The following OSBPL10 variants were observed in gnomAD, a reference collection of about 807,000 sequenced individuals.
OSBPL10 encodes the protein oxysterol-binding protein-related protein 10.
OSBPL10 carries 49 observed loss-of-function variants against 81.7 expected under a neutral mutation model. The observed-to-expected ratio is 0.60, with a 90% CI of 0.48 to 0.76. The LOEUF (loss-of-function observed/expected upper bound fraction) is 0.76. OSBPL10 is among the 30% of genes least tolerant of loss of function. The probability of loss-of-function intolerance (pLI) is 0.00; values close to 1 mark genes in which losing one functional copy is unlikely to be tolerated. For missense variants in OSBPL10, 923 were observed against 987.8 expected (o/e 0.93, Z 0.88); for synonymous variants, 419 against 383.6 (o/e 1.09, Z -1.08).
chr3:31,989,639 C>T, intron 2 of OSBPL10: 1 of 1,614,172 alleles, frequency 6.2e-7, no homozygotes, highest in Non-Finnish European at 8.5e-7. Flanking sequence ...AACGATGCTT[C>T]CTCAGTTCTA....
intron 4 of OSBPL10, among the ~76,000 whole-genome samples, chr3:31,803,236 C>T (rs1303175731): frequency 6.6e-6 from 1 of 152,144 alleles, no homozygotes; most frequent in African/African-American, 2.4e-5. Flanking sequence ...CTAGTTACAG[C>T]CCCCCTTCTC....
intron 2 of OSBPL10, among the ~76,000 whole-genome samples, chr3:32,045,677 A>T (rs1275426304): frequency 1.3e-5 from 2 of 152,198 alleles, no homozygotes; most frequent in Non-Finnish European, 2.9e-5. Context: ...TCTGCCTAGA[A>T]GTAAGCTGTG....
chr3:31,748,893 A>G (rs1697624792), intron 4 of OSBPL10, among the ~76,000 whole-genome samples: 1 of 152,218 alleles, frequency 6.6e-6, no homozygotes, highest in Admixed American at 6.5e-5. Flanking sequence ...AAGGACTTTA[A>G]TGGTTATCTT....
intron 3 of OSBPL10, among the ~76,000 whole-genome samples, chr3:31,857,828 G>GGA: frequency 7.6e-6 from 1 of 131,824 alleles, no homozygotes; most frequent in East Asian, 2.2e-4. Flanking sequence ...GGGAGAGGGA[G>GGA]AGGGAGAGGG....
At chr3:31,668,516 G>T in intron 10 of OSBPL10, 126 bp downstream of exon 10, 1 of 834,034 alleles carries the variant, frequency 1.2e-6, no homozygotes, top group Non-Finnish European at 1.8e-6. Flanking sequence ...ATCTAAAGAA[G>T]CCAGTAGAAC....
intron 1 of OSBPL10, among the ~76,000 whole-genome samples, chr3:31,949,633 A>AGC (rs1490806542): frequency 8.2e-6 from 1 of 122,070 alleles, no homozygotes; most frequent in African/African-American, 3.1e-5. Flanking sequence ...ACCTCACTGC[A>AGC]CTCCAGCCTG....
At chr3:32,026,034 A>AGATAGATAGATAGATAGATAGAT (rs1317544468) in intron 2 of OSBPL10, among the ~76,000 whole-genome samples, 20 of 124,016 alleles carry the variant, frequency 1.6e-4, no homozygotes, top group African/African-American at 6.4e-4. Context: ...ATAGATAGAT[A>AGATAGATAGATAGATAGATAGAT]GATAGATAGA....
At chr3:31,684,363 C>T (rs1700737682) in intron 7 of OSBPL10, among the ~76,000 whole-genome samples, 1 of 152,198 alleles carries the variant, frequency 6.6e-6, no homozygotes, top group South Asian at 2.1e-4. Flanking sequence ...TCCTTGTTTA[C>T]CTGGGCTAAC....
chr3:32,028,969 C>T (rs1699442299), intron 2 of OSBPL10, among the ~76,000 whole-genome samples: 1 of 149,046 alleles, frequency 6.7e-6, no homozygotes, highest in African/African-American at 2.5e-5. Flanking sequence ...CACACACACA[C>T]ACACACACAC....
chr3:31,840,912 G>A (rs1274878303), intron 3 of OSBPL10, among the ~76,000 whole-genome samples: 1 of 152,116 alleles, frequency 6.6e-6, no homozygotes. Context: ...TGTTGTTGTT[G>A]TTTTGTTGTT....
intron 1 of OSBPL10, among the ~76,000 whole-genome samples, chr3:31,898,006 C>CAAAAAAAAAAAAAAAAAAAAAAA (rs58479197): frequency 1.6e-5 from 1 of 62,454 alleles, no homozygotes; most frequent in Non-Finnish European, 3.2e-5. Flanking sequence ...AGAACTCTGT[C>CAAAAAAAAAAAAAAAAAAAAAAA]AAAAAAAAAA....
At chr3:31,821,085 G>A (rs969981876) in intron 4 of OSBPL10, among the ~76,000 whole-genome samples, 4 of 152,054 alleles carry the variant, frequency 2.6e-5, no homozygotes, top group Non-Finnish European at 5.9e-5. Flanking sequence ...TAAACTGAGA[G>A]TTTATTCTCC....
In OSBPL10 at chr3:31,944,672, G is replaced by C. The variant is rs146144754; in HGVS notation, c.281+36227C>G. 4.8e-3 allele frequency among the ~76,000 whole-genome samples: 718 copies of C among 150,864 alleles called. 3 individuals are homozygous for C. Among genetic ancestry groups the C allele is most frequent in the Non-Finnish European group, 6.2e-3 (424 of 67,928 alleles). On this transcript the variant is annotated intron_variant, in intron 1 of 11. Transcript: ENST00000396556. Reference sequence around the variant, plus strand: ...CATAATGCCTATAATACAGTGCTGTGGCACTGACTCATCTCCTTGGAGACA... The same window carrying C: ...CATAATGCCTATAATACAGTGCTGTCGCACTGACTCATCTCCTTGGAGACA...
intron 2 of OSBPL10, among the ~76,000 whole-genome samples, chr3:32,026,937 C>A (rs1349750269): frequency 1.3e-5 from 2 of 152,194 alleles, no homozygotes; most frequent in Non-Finnish European, 2.9e-5. Context: ...AAAGTCTGTT[C>A]TCACTCAGAG....
intron 8 of OSBPL10, among the ~76,000 whole-genome samples, chr3:31,674,584 T>TAGAG (rs1700409170): frequency 1.2e-4 from 1 of 8,602 alleles, no homozygotes; most frequent in Non-Finnish European, 2.1e-4. Context: ...ATAGATAGAT[T>TAGAG]AGATAGATAG....
intron 9 of OSBPL10, 82 bp from the exon 10 acceptor site, chr3:31,668,906 T>C: frequency 2.4e-6 from 3 of 1,248,612 alleles, no homozygotes; most frequent in Non-Finnish European, 3.2e-6. Flanking sequence ...CTCTAGAGAT[T>C]TTTTTTTTTA....
At chr3:31,824,284 C>T (rs192842640) in intron 4 of OSBPL10, among the ~76,000 whole-genome samples, 199 of 152,052 alleles carry the variant, frequency 1.3e-3, no homozygotes, top group African/African-American at 4.7e-3. Context: ...ATGGGATCAC[C>T]TTGACAGTTG....
rs143901268 is a variant in OSBPL10, at chr3:31,929,414, G to C, written c.282-49584C>G. Among the ~76,000 whole-genome samples, 745 of 152,264 alleles carry C rather than the reference G, an allele frequency of 4.9e-3. 7 individuals are homozygous for C. Among genetic ancestry groups the C allele is most frequent in the South Asian group, 0.027 (129 of 4,826 alleles). ...CAGACAAAAAATAACCAGTTATAAA[G>C]TATAATCAAAGAAAATACTTCATTC... On this transcript the variant is annotated intron_variant, in intron 1 of 11. Transcript: ENST00000396556.
At position 31,668,988 on chromosome 3, in the gene OSBPL10, T is replaced by C. The variant is rs1257271662; in HGVS notation, c.1914-164A>G. ...CTAGCTCTTAAAAGATGATCTAATA[T>C]CCTTGAACAGCAAAAGAAAGCATCA... is the stretch of plus-strand genomic sequence containing the variant. On this transcript the variant is annotated intron_variant, in intron 9 of 11. Coordinates refer to ENST00000396556, the MANE Select transcript of OSBPL10 (RefSeq NM_017784.5). Among the ~76,000 whole-genome samples, 4 of 152,090 alleles carry C rather than the reference T, an allele frequency of 2.6e-5. No individual in the cohort carries two copies. The South Asian group carries it at 8.3e-4, about 32-fold the overall frequency.
Sources: allele counts gnomAD v4.1 joint callset (sites outside exome capture counted in the v4.1 genomes callset), GRCh38; gene constraint gnomAD v4.1.1; transcripts MANE v1.5; gene names NCBI Gene and HGNC (gene_info 2026-07-23, HGNC 2026-07-21).